The following SLC37A1 variants were observed in gnomAD, a reference collection of about 807,000 sequenced individuals.
SLC37A1 encodes glucose-6-phosphate exchanger SLC37A1.
Under a neutral mutation model 75.3 loss-of-function variants are expected in SLC37A1, and 49 were observed. The observed-to-expected ratio is 0.65, with a 90% CI of 0.52 to 0.83. SLC37A1 has a LOEUF of 0.83. Ranked by LOEUF, SLC37A1 falls within the 40% of genes least tolerant of loss-of-function variation. The probability of loss-of-function intolerance (pLI) is 0.00; values close to 1 mark genes in which losing one functional copy is unlikely to be tolerated. For missense variants in SLC37A1, 566 were observed against 695.0 expected, an observed-to-expected ratio of 0.81 and a Z score of 2.09; for synonymous variants, 268 against 292.1, an observed-to-expected ratio of 0.92 and a Z score of 0.84.
At chr21:42,528,176 G>C (rs1262767594) in intron 3 of SLC37A1, among the ~76,000 whole-genome samples, 1 of 152,200 alleles carries the variant, frequency 6.6e-6, no homozygotes, top group African/African-American at 2.4e-5. Context: ...GGAATGTTTA[G>C]ACTTACCTTT....
At chr21:42,576,470 C>T (rs2056312378) in intron 18 of SLC37A1, among the ~76,000 whole-genome samples, 1 of 152,154 alleles carries the variant, frequency 6.6e-6, no homozygotes, top group Non-Finnish European at 1.5e-5. Flanking sequence ...CTGTAGCTAA[C>T]ACCCTACAAA....
chr21:42,524,189 G>T (rs1175648969), intron 2 of SLC37A1, among the ~76,000 whole-genome samples: 1 of 152,176 alleles, frequency 6.6e-6, no homozygotes, highest in Non-Finnish European at 1.5e-5. Context: ...CCACAAGCAG[G>T]ACAGGTTCTC....
chr21:42,574,778 C>G (rs2056269830), intron 17 of SLC37A1, 40 bp from the exon 18 acceptor site: 1 of 1,605,728 alleles, frequency 6.2e-7, no homozygotes, highest in Non-Finnish European at 8.5e-7. Context: ...CTGGGATTTT[C>G]TCTAAACAGC....
intron 2 of SLC37A1, among the ~76,000 whole-genome samples, chr21:42,522,856 C>G (rs943858956): frequency 1.3e-5 from 2 of 152,228 alleles, no homozygotes; most frequent in African/African-American, 4.8e-5. Context: ...ATGTGCTGCC[C>G]CTTGTGTGCT....
chr21:42,571,700 C>CAGTT (rs2056171951), intron 17 of SLC37A1, among the ~76,000 whole-genome samples: 1 of 151,906 alleles, frequency 6.6e-6, no homozygotes, highest in South Asian at 2.1e-4. Flanking sequence ...TCCTCCTCCT[C>CAGTT]AGTTATACCA....
chr21:42,568,875 G>A (rs1047122649), intron 17 of SLC37A1, among the ~76,000 whole-genome samples: 42 of 152,374 alleles, frequency 2.8e-4, no homozygotes, highest in African/African-American at 8.2e-4. Context: ...TAAAAAGGTG[G>A]CAGAATAAGC....
chr21:42,523,202 G>A (rs1326502792), intron 2 of SLC37A1, among the ~76,000 whole-genome samples: 1 of 152,250 alleles, frequency 6.6e-6, no homozygotes, highest in Admixed American at 6.5e-5. Flanking sequence ...CATGGAGCAG[G>A]AGAGATGGTC....
chr21:42,533,211 C>CCT (rs1464372372), intron 3 of SLC37A1, among the ~76,000 whole-genome samples: 2 of 152,204 alleles, frequency 1.3e-5, no homozygotes, highest in Non-Finnish European at 2.9e-5. Flanking sequence ...GACCCCTGGC[C>CCT]TCTCTCAGGT....
In SLC37A1 at chr21:42,543,518, T is replaced by C. The variant is rs760272811; in HGVS notation, c.646T>C (p.Ser216Pro). The C allele has an allele frequency of 3.1e-6, 5 of 1,613,922 alleles. No individual in the cohort carries two copies. The African/African-American group carries it at 6.7e-5, about 22-fold the overall frequency. The change falls in exon 8 of 20, where the codon TCC becomes CCC. Residue 216 changes from serine to proline, a missense_variant. Coordinates refer to ENST00000352133, the MANE Select transcript of SLC37A1 (RefSeq NM_001320537.2). ...LGSLIAGYWV[S>P]TCWGLSFVVP... ...GTCATTGATCGCTGGCTACTGGGTG[T>C]CCACATGCTGGGGCCTGTCCTTCGT...
chr21:42,561,421 G>C (rs2055823686), intron 11 of SLC37A1: 1 of 154,128 alleles, frequency 6.5e-6, no homozygotes, highest in Non-Finnish European at 1.5e-5. Context: ...ATACGGACTG[G>C]TCTGTAGTAC....
At chr21:42,549,683 A>G (rs903840109) in intron 9 of SLC37A1, among the ~76,000 whole-genome samples, 1 of 152,168 alleles carries the variant, frequency 6.6e-6, no homozygotes, top group Non-Finnish European at 1.5e-5. Flanking sequence ...AGTTTGGCCA[A>G]TGTCCCATCA....
chr21:42,574,865 T>C lies in SLC37A1; in HGVS notation c.1471T>C (p.Trp491Arg). The C allele has an allele frequency of 1.2e-6, 2 of 1,614,222 alleles. No homozygotes were observed. The highest frequency in any genetic ancestry group is 1.7e-6 in the Non-Finnish European group (2 of 1,180,030). ...GGCTGGGCTCCTCTCCCCGTCCGGCTGGAGCAATGTGTTTTACATGCTGAT... is the reference window on the plus strand; with the variant it reads ...GGCTGGGCTCCTCTCCCCGTCCGGCCGGAGCAATGTGTTTTACATGCTGAT... ...LLAGLLSPSG[W>R]SNVFYMLMFA... The change falls in exon 18 of 20, where the codon TGG becomes CGG. Residue 491 changes from tryptophan to arginine, a missense_variant. Trp to Arg is a moderately radical substitution (Grantham distance 101). Coordinates refer to ENST00000352133, the MANE Select transcript of SLC37A1 (RefSeq NM_001320537.2).
intron 4 of SLC37A1, 144 bp from the exon 5 acceptor site, chr21:42,535,328 C>T (rs1236251908): frequency 9.1e-6 from 6 of 657,608 alleles, no homozygotes; most frequent in Non-Finnish European, 1.6e-5. Context: ...GAAAATGCAC[C>T]GCCTTGTTTT....
chr21:42,579,943 C>CTTTTTTTT, intron 19 of SLC37A1, 143 bp downstream of exon 19: 1 of 726,170 alleles, frequency 1.4e-6, no homozygotes, highest in Non-Finnish European at 2.3e-6. Flanking sequence ...TTCACTCTCA[C>CTTTTTTTT]TTTTTCTTTT....
At chr21:42,556,866 C>T (rs1453122270) in intron 10 of SLC37A1, among the ~76,000 whole-genome samples, 1 of 152,156 alleles carries the variant, frequency 6.6e-6, no homozygotes, top group Non-Finnish European at 1.5e-5. Context: ...ATGGTGGCTA[C>T]AAGTCCTGTT....
intron 5 of SLC37A1, among the ~76,000 whole-genome samples, chr21:42,537,165 C>T (rs2055162197): frequency 1.3e-5 from 2 of 152,206 alleles, no homozygotes; most frequent in Admixed American, 6.5e-5. Context: ...GAGTGCATAG[C>T]TCTCCCTTTA....
At chr21:42,531,950 C>A (rs1488891105) in intron 3 of SLC37A1, among the ~76,000 whole-genome samples, 1 of 152,050 alleles carries the variant, frequency 6.6e-6, no homozygotes, top group Non-Finnish European at 1.5e-5. Flanking sequence ...CGCCCGGACT[C>A]ACAGTGGCCC....
intron 6 of SLC37A1, among the ~76,000 whole-genome samples, chr21:42,541,742 T>A (rs1006590708): frequency 2.6e-5 from 4 of 152,112 alleles, no homozygotes; most frequent in Non-Finnish European, 4.4e-5. Context: ...TTAAAAAGTT[T>A]GTATTTGTTT....
rs1381623712 is a variant in SLC37A1 at position 42,513,889 on chromosome 21, G to A, written c.-1007G>A. On this transcript the variant is annotated 5_prime_UTR_variant, in exon 1 of 20. Transcript: ENST00000352133. ...AGGAAGCGCCCGCGGCGGCCGGGCC[G>A]GGCTGGGCTGCGGAGCGCGGGCCTC... 1.4e-5 allele frequency: 2 copies of A among 146,824 alleles called. No homozygotes were observed. The highest frequency in any genetic ancestry group is 6.8e-5 in the Admixed American group (1 of 14,746). 9.1% of individuals were successfully genotyped at this position (146,824 alleles called of 1,614,324 possible).
Sources: allele counts gnomAD v4.1 joint callset (sites outside exome capture counted in the v4.1 genomes callset), GRCh38; gene constraint gnomAD v4.1.1; transcripts MANE v1.5; gene names NCBI Gene and HGNC (gene_info 2026-07-23, HGNC 2026-07-21).